UBXN4: variants seen among roughly 807,000 people sequenced by gnomAD.
UBXN4 encodes the protein UBX domain protein 4.
In UBXN4, 35 loss-of-function variants were observed where a neutral mutation model predicts 66.2. That is an observed-to-expected ratio of 0.53 (90% CI 0.40 to 0.70). The LOEUF (loss-of-function observed/expected upper bound fraction) is 0.70. Ranked by LOEUF, UBXN4 falls within the 30% of genes least tolerant of loss-of-function variation. UBXN4 has a pLI of 0.00. For synonymous variants in UBXN4, 203 were observed against 204.5 expected (o/e 0.99, Z 0.06); for missense variants, 533 against 599.8 (o/e 0.89, Z 1.16).
At chr2:135,759,396 G>T (rs1243846217) in intron 5 of UBXN4, among the ~76,000 whole-genome samples, 1 of 152,048 alleles carries the variant, frequency 6.6e-6, no homozygotes, top group Non-Finnish European at 1.5e-5. Context: ...TTGAGTTACA[G>T]TTCGATATAT....
At chr2:135,747,348 CAAAAAAA>C (rs138276089) in intron 1 of UBXN4, among the ~76,000 whole-genome samples, 1 of 83,510 alleles carries the variant, frequency 1.2e-5, no homozygotes, top group South Asian at 4.1e-4. Flanking sequence ...AACTCCATCT[CAAAAAAA>C]AAAAAAAAAA....
At chr2:135,759,502 T>C (rs945276612) in intron 5 of UBXN4, among the ~76,000 whole-genome samples, 4 of 152,168 alleles carry the variant, frequency 2.6e-5, no homozygotes, top group Non-Finnish European at 5.9e-5. Context: ...TTTTACTGCA[T>C]CCCCATGGAA....
rs550381262 is a variant in UBXN4, at chr2:135,754,397, A to G, written c.333+120A>G. 14 of 716,256 alleles carry G rather than the reference A, an allele frequency of 2.0e-5. No homozygotes were observed. In the East Asian group the frequency reaches 3.9e-4, roughly 20 times the overall value. The allele number at this position is 716,256 out of a possible 1,614,324, so 44.4% of individuals were successfully genotyped here. On this transcript the variant is annotated intron_variant, in intron 4 of 12. Transcript: ENST00000272638. ...AGTGCAGTGGTGTGATCTCAGCTCA[A>G]GTGCAGCCTCCGCCTCCCAGGTTCA... is the stretch of plus-strand genomic sequence containing the variant.
At position 135,772,401 on chromosome 2, in the gene UBXN4, A is replaced by G; in HGVS notation, c.823-19A>G. The G allele has an allele frequency of 2.5e-6, 4 of 1,611,944 alleles. No homozygotes were observed. Among genetic ancestry groups the G allele is most frequent in the Non-Finnish European group, 3.4e-6 (4 of 1,178,542 alleles). On this transcript the variant is annotated intron_variant, in intron 8 of 12. Transcript: ENST00000272638. ...CATTCTGGCAGTAAAGGTAATTGGT[A>G]TTTAATGATGTTTTAAAGGACCGTG...
chr2:135,775,103 A>G (rs940766436), intron 9 of UBXN4, among the ~76,000 whole-genome samples: 2 of 152,204 alleles, frequency 1.3e-5, no homozygotes, highest in Non-Finnish European at 2.9e-5. Context: ...ATGAGATACC[A>G]TTTCACACCC....
At chr2:135,744,557 T>A (rs1313406877) in intron 1 of UBXN4, among the ~76,000 whole-genome samples, 2 of 152,172 alleles carry the variant, frequency 1.3e-5, no homozygotes, top group Non-Finnish European at 2.9e-5. Context: ...TTGTTAATGA[T>A]AGACGCCATT....
intron 9 of UBXN4, 27 bp from the exon 10 acceptor site, chr2:135,776,222 T>C: frequency 1.3e-6 from 2 of 1,575,364 alleles, no homozygotes; most frequent in Non-Finnish European, 8.7e-7. Flanking sequence ...AGGTGAAGAT[T>C]GTGACTTTAA....
intron 2 of UBXN4, among the ~76,000 whole-genome samples, chr2:135,753,017 C>CTTTTT (rs34841626): frequency 3.3e-5 from 2 of 60,946 alleles, no homozygotes; most frequent in East Asian, 9.5e-4. Context: ...CACGCCCGGC[C>CTTTTT]TTTTTTTTTT....
chr2:135,752,336 C>T (rs2077247907), intron 2 of UBXN4, among the ~76,000 whole-genome samples: 1 of 152,054 alleles, frequency 6.6e-6, no homozygotes, highest in African/African-American at 2.4e-5. Flanking sequence ...CGTGAGCCAC[C>T]ACGCCAGGCC....
chr2:135,779,920 A>G (rs1031888151), intron 11 of UBXN4, among the ~76,000 whole-genome samples: 10 of 147,506 alleles, frequency 6.8e-5, no homozygotes, highest in Middle Eastern at 3.6e-3. Flanking sequence ...TAATATATAA[A>G]ATAATTGTAT....
At chr2:135,775,251 G>A (rs1014736228) in intron 9 of UBXN4, among the ~76,000 whole-genome samples, 3 of 152,234 alleles carry the variant, frequency 2.0e-5, no homozygotes, top group Non-Finnish European at 4.4e-5. Context: ...AACGCAAAAT[G>A]TTAAACATAG....
intron 6 of UBXN4, among the ~76,000 whole-genome samples, chr2:135,764,715 G>A (rs1453603669): frequency 6.6e-6 from 1 of 152,080 alleles, no homozygotes; most frequent in Non-Finnish European, 1.5e-5. Context: ...CATGTTGGCT[G>A]GGCTGGTCTT....
intron 10 of UBXN4, among the ~76,000 whole-genome samples, chr2:135,778,010 T>C (rs999547729): frequency 1.5e-4 from 23 of 149,670 alleles, no homozygotes; most frequent in African/African-American, 5.7e-4. Context: ...ACCCCGTCTC[T>C]ACTAAAAATA....
intron 1 of UBXN4, among the ~76,000 whole-genome samples, chr2:135,745,585 A>G (rs1017330058): frequency 1.3e-5 from 2 of 152,248 alleles, no homozygotes; most frequent in African/African-American, 4.8e-5. Flanking sequence ...ATGCAATAAA[A>G]TAGTGAACAT....
intron 12 of UBXN4, among the ~76,000 whole-genome samples, 162 bp downstream of exon 12, chr2:135,780,547 A>C (rs73958636): frequency 6.6e-6 from 1 of 152,234 alleles, no homozygotes; most frequent in African/African-American, 2.4e-5. Context: ...CATCATCTCT[A>C]CTGCAGAGCT....
At chr2:135,753,639 T>G in intron 3 of UBXN4, 72 bp downstream of exon 3, 1 of 1,243,318 alleles carries the variant, frequency 8.0e-7, no homozygotes, top group Non-Finnish European at 1.1e-6. Flanking sequence ...TTATGAAATT[T>G]AGAAATTATT....
At chr2:135,747,125 G>A (rs2077211819) in intron 1 of UBXN4, among the ~76,000 whole-genome samples, 1 of 152,042 alleles carries the variant, frequency 6.6e-6, no homozygotes, top group Non-Finnish European at 1.5e-5. Flanking sequence ...TAACTGCAAT[G>A]AGGAAGGCCA....
intron 5 of UBXN4, among the ~76,000 whole-genome samples, chr2:135,757,945 C>CT (rs773968738): frequency 3.3e-5 from 5 of 152,098 alleles, no homozygotes; most frequent in Admixed American, 6.6e-5. Context: ...GGGTCTGGCT[C>CT]TGTCACCCAG....
chr2:135,782,735 CT>C lies in UBXN4; in HGVS notation c.1389-9del. ...TTATGACATCTTCCCCTTGCTCCCT[CT>C]TTTTCGTATCAGGGAACCAGTGAGA... is the stretch of plus-strand genomic sequence containing the variant. On this transcript the variant is annotated splice_polypyrimidine_tract_variant and intron_variant, in intron 12 of 12. Transcript: ENST00000272638. The C allele has an allele frequency of 6.2e-7, 1 of 1,609,766 alleles. No homozygotes were observed. Among genetic ancestry groups the C allele is most frequent in the Non-Finnish European group, 8.5e-7 (1 of 1,178,760 alleles).
Sources: gnomAD v4.1 joint callset for allele counts (sites outside exome capture counted in the v4.1 genomes callset) on GRCh38, gnomAD v4.1.1 for gene constraint, MANE v1.5 for transcripts, NCBI Gene and HGNC (gene_info 2026-07-23, HGNC 2026-07-21) for gene names.